The following DENND4C variants were observed in gnomAD, a reference collection of about 807,000 sequenced individuals.
DENND4C encodes the protein DENN domain-containing protein 4C.
In DENND4C, 108 loss-of-function variants were observed where a neutral mutation model predicts 203.0. The observed-to-expected ratio is 0.53, with a 90% confidence interval of 0.46 to 0.62. DENND4C has a LOEUF of 0.62. Ranked by LOEUF, DENND4C falls within the 20% of genes least tolerant of loss-of-function variation. The probability of loss-of-function intolerance (pLI) is 0.00; values close to 1 mark genes in which losing one functional copy is unlikely to be tolerated. For missense variants in DENND4C, 2,481 were observed against 2,301.2 expected, an observed-to-expected ratio of 1.08 and a Z score of -1.60; for synonymous variants, 871 against 792.4, an observed-to-expected ratio of 1.10 and a Z score of -1.67.
chr9:19,366,786 C>T (rs936733272), intron 30 of DENND4C, among the ~76,000 whole-genome samples: 13 of 152,008 alleles, frequency 8.6e-5, no homozygotes, highest in Non-Finnish European at 1.8e-4. Context: ...TTCATGACTC[C>T]GTGTTAGTTA....
intron 5 of DENND4C, among the ~76,000 whole-genome samples, chr9:19,291,944 A>C (rs1293966176): frequency 6.6e-6 from 1 of 152,202 alleles, no homozygotes; most frequent in Non-Finnish European, 1.5e-5. Flanking sequence ...GGTTGATGAA[A>C]AAATTGAGTC....
Position 19,290,843 on chromosome 9 carries a change from A to G in DENND4C, c.768A>G (p.Ser256=). 6.2e-7 allele frequency: 1 copy of G among 1,613,548 alleles called. No individual in the cohort carries two copies. Among genetic ancestry groups the G allele is most frequent in the Non-Finnish European group, 8.5e-7 (1 of 1,179,718 alleles). The change falls in exon 5 of 33, where the codon TCA becomes TCG. Residue 256 remains serine (S), a synonymous_variant. Coordinates refer to ENST00000434457, the MANE Select transcript of DENND4C (RefSeq NM_001330640.2). ...CCAAATATCCACTTCCAGTTTTTTCAACTTTTGTCTTGACAGGTTCTTCAG... is the reference window on the plus strand; with the variant it reads ...CCAAATATCCACTTCCAGTTTTTTCGACTTTTGTCTTGACAGGTTCTTCAG... ...PETKYPLPVF[S]TFVLTGSSAK...
chr9:19,352,122 A>T lies in DENND4C; in HGVS notation c.4545A>T (p.Ser1515=), dbSNP rs1323530461. ...TGAAAGGGCAAGACTTTGAAAAATC[A>T]GATCATGGTTCTTCTCAAAATACCA... is the stretch of plus-strand genomic sequence containing the variant. ...RGMKGQDFEK[S]DHGSSQNTSM... is the part of the protein sequence containing the mutation. The change falls in exon 25 of 33, where the codon TCA becomes TCT. Residue 1515 remains serine (S), a synonymous_variant. Transcript: ENST00000434457. The T allele has an allele frequency of 6.2e-7, 1 of 1,613,952 alleles. No individual in the cohort carries two copies.
chr9:19,300,301 C>G lies in DENND4C; in HGVS notation c.1281C>G (p.Val427=), dbSNP rs760581733. ...TGCTGCATTCTCTTAGGCCAGCTGT[C>G]TTGACTGGGGTAGCTGAAGCTGTTG... The part of the protein sequence containing the change: ...KILLHSLRPA[V]LTGVAEAVVA... The change falls in exon 9 of 33, where the codon GTC becomes GTG. Residue 427 remains valine, a synonymous_variant. Coordinates refer to ENST00000434457, the MANE Select transcript of DENND4C (RefSeq NM_001330640.2). 6.2e-6 allele frequency: 10 copies of G among 1,601,126 alleles called. No individual in the cohort carries two copies. The highest frequency in any genetic ancestry group is 8.5e-6 in the Non-Finnish European group (10 of 1,171,204).
chr9:19,315,037 G>A (rs1358462254), intron 10 of DENND4C, among the ~76,000 whole-genome samples: 1 of 151,350 alleles, frequency 6.6e-6, no homozygotes, highest in African/African-American at 2.4e-5. Context: ...GCGCGCCCCT[G>A]TAATCCCAGC....
intron 2 of DENND4C, among the ~76,000 whole-genome samples, chr9:19,277,990 C>T (rs1342857970): frequency 6.6e-6 from 1 of 150,726 alleles, no homozygotes; most frequent in Admixed American, 6.6e-5. Context: ...TTTAATATAA[C>T]TATGATACCA....
chr9:19,315,039 A>G (rs1042994244), intron 10 of DENND4C, among the ~76,000 whole-genome samples: 2 of 151,918 alleles, frequency 1.3e-5, no homozygotes, highest in African/African-American at 4.8e-5. Context: ...GCGCCCCTGT[A>G]ATCCCAGCTA....
At chr9:19,343,134 G>A (rs1822034665) in intron 22 of DENND4C, among the ~76,000 whole-genome samples, 1 of 152,140 alleles carries the variant, frequency 6.6e-6, no homozygotes, top group African/African-American at 2.4e-5. Context: ...GAGGGCTTAT[G>A]AGTGGCAGGC....
At chr9:19,232,275 A>C (rs546421050) in intron 1 of DENND4C, among the ~76,000 whole-genome samples, 4 of 151,720 alleles carry the variant, frequency 2.6e-5, no homozygotes, top group African/African-American at 9.7e-5. Flanking sequence ...TTTTTTTTTC[A>C]GTAGTGGCAA....
chr9:19,350,035 A>T (rs1823731270), intron 23 of DENND4C, among the ~76,000 whole-genome samples: 1 of 152,190 alleles, frequency 6.6e-6, no homozygotes, highest in South Asian at 2.1e-4. Flanking sequence ...TTTTATAACA[A>T]GGAAGACACA....
At chr9:19,237,476 C>T (rs1588707234) in intron 1 of DENND4C, among the ~76,000 whole-genome samples, 1 of 151,784 alleles carries the variant, frequency 6.6e-6, no homozygotes, top group East Asian at 1.9e-4. Flanking sequence ...CTCAGTCTCC[C>T]GAGTAGCTGG....
intron 1 of DENND4C, among the ~76,000 whole-genome samples, chr9:19,250,470 GC>G (rs1183723740): frequency 6.6e-6 from 1 of 151,928 alleles, no homozygotes. Context: ...CAAGTGATCT[GC>G]CCCCGCTCAG....
At chr9:19,285,389 C>T (rs899322370) in intron 2 of DENND4C, among the ~76,000 whole-genome samples, 2 of 152,090 alleles carry the variant, frequency 1.3e-5, no homozygotes, top group Non-Finnish European at 1.5e-5. Context: ...TGTGCAGCTA[C>T]CACCACAATT....
chr9:19,359,579 A>G lies in DENND4C; in HGVS notation c.5161-665A>G, dbSNP rs143626762. On this transcript the variant is annotated intron_variant, in intron 28 of 32. Transcript: ENST00000434457. The stretch of plus-strand genomic sequence containing the variant: ...GCTTATGTTATATACTTTCTTACCC[A>G]GACCTAGAATCAGCTGTTTCTCTAA... Among the ~76,000 whole-genome samples the G allele has an allele frequency of 3.2e-3, 489 of 151,858 alleles. 12 individuals are homozygous for G. The highest frequency in any genetic ancestry group is 0.011 in the African/African-American group (465 of 41,152).
rs535626292 is a variant in DENND4C, at chr9:19,351,617, G to T, written c.4496-456G>T. 2.0e-3 allele frequency among the ~76,000 whole-genome samples: 305 copies of T among 152,072 alleles called. 3 individuals carry two copies. Among genetic ancestry groups the T allele is most frequent in the African/African-American group, 7.0e-3 (292 of 41,484 alleles). On this transcript the variant is annotated intron_variant, in intron 24 of 32. Transcript: ENST00000434457. Reference sequence around the variant, plus strand: ...AGCTCAGGAGTTCAAGACCAGCCTGGGCAACACAGTGAAACCGTCTCTACT... The same window carrying T: ...AGCTCAGGAGTTCAAGACCAGCCTGTGCAACACAGTGAAACCGTCTCTACT...
chr9:19,241,930 C>T (rs1823847740), intron 1 of DENND4C, among the ~76,000 whole-genome samples: 1 of 151,876 alleles, frequency 6.6e-6, no homozygotes, highest in Non-Finnish European at 1.5e-5. Flanking sequence ...GTGGCTCATG[C>T]TTGTAATCCC....
chr9:19,283,715 C>T (rs1834615904), intron 2 of DENND4C, among the ~76,000 whole-genome samples: 1 of 150,886 alleles, frequency 6.6e-6, no homozygotes, highest in African/African-American at 2.4e-5. Flanking sequence ...TCACCCCCAC[C>T]CCCGCCAGTA....
At chr9:19,288,705 A>G (rs1415831134) in intron 4 of DENND4C, 40 bp downstream of exon 4, 1 of 1,085,834 alleles carries the variant, frequency 9.2e-7, no homozygotes, top group South Asian at 4.7e-5. Context: ...TGCTATAGTT[A>G]TTGGTGCATA....
intron 10 of DENND4C, among the ~76,000 whole-genome samples, chr9:19,310,213 C>A (rs948837503): frequency 6.6e-6 from 1 of 152,166 alleles, no homozygotes; most frequent in East Asian, 1.9e-4. Context: ...TCTCTACTTA[C>A]ACTATCCTAA....
Sources: gnomAD v4.1 joint callset for allele counts (sites outside exome capture counted in the v4.1 genomes callset) on GRCh38, gnomAD v4.1.1 for gene constraint, MANE v1.5 for transcripts, NCBI Gene and HGNC (gene_info 2026-07-23, HGNC 2026-07-21) for gene names.